The following CLASP1 variants were observed in gnomAD, a reference collection of about 807,000 sequenced individuals.
CLASP1 encodes the protein cytoplasmic linker associated protein 1, also known as CLIP-associating protein 1.
In CLASP1, 38 loss-of-function variants were observed where a neutral mutation model predicts 192.3. The observed-to-expected ratio is 0.20, with a 90% CI of 0.15 to 0.26. The LOEUF (loss-of-function observed/expected upper bound fraction) is 0.26, where lower values mean the gene tolerates loss of function less well. Ranked by LOEUF, CLASP1 falls within the 10% of genes least tolerant of loss-of-function variation. The pLI, the probability that CLASP1 is intolerant of heterozygous loss-of-function variation, is 1.00. For synonymous variants in CLASP1, 691 were observed against 712.8 expected, an observed-to-expected ratio of 0.97 and a Z score of 0.49; for missense variants, 1,433 against 1,932.5, an observed-to-expected ratio of 0.74 and a Z score of 4.85.
chr2:121,540,070 T>C (rs2095195564), intron 2 of CLASP1, among the ~76,000 whole-genome samples: 1 of 152,236 alleles, frequency 6.6e-6, no homozygotes, highest in South Asian at 2.1e-4. Flanking sequence ...AATCTGAAGA[T>C]ATGCAGCAAT....
intron 2 of CLASP1, among the ~76,000 whole-genome samples, chr2:121,557,708 G>A (rs1027406457): frequency 6.6e-6 from 1 of 151,860 alleles, no homozygotes; most frequent in African/African-American, 2.4e-5. Context: ...AGTGAGCTGA[G>A]ATCACGCCAC....
At chr2:121,422,013 C>T (rs2079587586) in intron 22 of CLASP1, among the ~76,000 whole-genome samples, 1 of 152,182 alleles carries the variant, frequency 6.6e-6, no homozygotes, top group Non-Finnish European at 1.5e-5. Context: ...GGAAAACATA[C>T]TTGTACTGTG....
rs565732999 is a variant in CLASP1 at position 121,404,357 on chromosome 2, G to C, written c.2733+14C>G. 20 of 1,610,434 alleles carry C rather than the reference G, an allele frequency of 1.2e-5. No homozygotes were observed. Among genetic ancestry groups the C allele is most frequent in the Non-Finnish European group, 1.6e-5 (19 of 1,178,514 alleles). ...GCAGGGGTAAAGACAGGGCAGGCAT[G>C]ACTTCAGACTTACCTTGCTATGAGG... On this transcript the variant is annotated intron_variant, in intron 26 of 39. Transcript: ENST00000263710.
chr2:121,484,431 C>T (rs2092830450), intron 8 of CLASP1, among the ~76,000 whole-genome samples: 1 of 152,178 alleles, frequency 6.6e-6, no homozygotes, highest in Admixed American at 6.5e-5. Context: ...AATTTATAAG[C>T]ACCAACAAAC....
At chr2:121,520,476 G>A (rs1007137712) in intron 6 of CLASP1, among the ~76,000 whole-genome samples, 2 of 152,212 alleles carry the variant, frequency 1.3e-5, no homozygotes, top group Admixed American at 6.5e-5. Flanking sequence ...TGGCAGGGCC[G>A]CATGGAAGCT....
intron 7 of CLASP1, among the ~76,000 whole-genome samples, chr2:121,508,476 T>C (rs1241192099): frequency 6.6e-6 from 1 of 152,114 alleles, no homozygotes; most frequent in Non-Finnish European, 1.5e-5. Context: ...AGAACATAAA[T>C]AGCACACCTG....
intron 8 of CLASP1, among the ~76,000 whole-genome samples, chr2:121,495,018 T>A (rs1295464088): frequency 2.0e-5 from 3 of 149,154 alleles, no homozygotes; most frequent in African/African-American, 7.5e-5. Flanking sequence ...CAAGACTCCA[T>A]CTAAAAAATA....
At chr2:121,547,918 C>T (rs1287201374) in intron 2 of CLASP1, among the ~76,000 whole-genome samples, 1 of 147,518 alleles carries the variant, frequency 6.8e-6, no homozygotes, top group Non-Finnish European at 1.5e-5. Context: ...TCCAGCAAAT[C>T]AGTCACTTGA....
At chr2:121,524,613 T>C (rs2094531564) in intron 6 of CLASP1, among the ~76,000 whole-genome samples, 1 of 152,232 alleles carries the variant, frequency 6.6e-6, no homozygotes, top group South Asian at 2.1e-4. Flanking sequence ...AACGCCACCA[T>C]GCCTGGCTAA....
intron 7 of CLASP1, chr2:121,504,859 C>T (rs749676769): frequency 6.6e-5 from 10 of 152,224 alleles, no homozygotes; most frequent in Non-Finnish European, 1.2e-4. Context: ...ACTACCCATT[C>T]GTTAAAGCTG....
chr2:121,497,753 T>C (rs1212773567), intron 8 of CLASP1, among the ~76,000 whole-genome samples: 2 of 152,168 alleles, frequency 1.3e-5, no homozygotes, highest in Non-Finnish European at 2.9e-5. Context: ...GGAGTCTTGC[T>C]CTGTCACCCA....
chr2:121,359,748 CATT>C (rs2066016824), intron 37 of CLASP1, among the ~76,000 whole-genome samples: 1 of 152,134 alleles, frequency 6.6e-6, no homozygotes, highest in Non-Finnish European at 1.5e-5. Flanking sequence ...ACTATGAAAA[CATT>C]ATGTCTAAGC....
At position 121,605,991 on chromosome 2, in the gene CLASP1, G is replaced by A. The variant is rs1022979857; in HGVS notation, c.-96C>T. Reference sequence around the variant, plus strand: ...CTGGGAGGTTGCCTCTTTGTTCGCTGAAGGTTACTAAGAGCCTGTGTTTCA... The same window carrying A: ...CTGGGAGGTTGCCTCTTTGTTCGCTAAAGGTTACTAAGAGCCTGTGTTTCA... On this transcript the variant is annotated 5_prime_UTR_variant, in exon 2 of 40. An upstream open reading frame in the 5' UTR gains an earlier in-frame stop. Coordinates refer to ENST00000263710, the Ensembl canonical transcript of CLASP1. 9.5e-7 allele frequency: 1 copy of A among 1,052,128 alleles called. No individual in the cohort carries two copies. Among genetic ancestry groups the A allele is most frequent in the Non-Finnish European group, 1.4e-6 (1 of 722,448 alleles). 65.2% of individuals were successfully genotyped at this position (1,052,128 alleles called of 1,614,324 possible).
At chr2:121,545,998 G>A (rs938481358) in intron 2 of CLASP1, among the ~76,000 whole-genome samples, 3 of 152,092 alleles carry the variant, frequency 2.0e-5, no homozygotes, top group African/African-American at 7.2e-5. Context: ...AAGATTCTTA[G>A]AAGTATGGCA....
chr2:121,557,476 C>A lies in CLASP1; in HGVS notation c.196-27151G>T, dbSNP rs141757910. Among the ~76,000 whole-genome samples, 1,291 of 150,180 alleles carry A rather than the reference C, an allele frequency of 8.6e-3. 20 individuals are homozygous for A. Among genetic ancestry groups the A allele is most frequent in the African/African-American group, 0.03 (1,244 of 40,906 alleles). ...GCAGGTGCCTATAATCCCAGCTACC[C>A]AGGAGGCTGAGGCAGGAGAATCGCT... On this transcript the variant is annotated intron_variant, in intron 2 of 39. Coordinates refer to ENST00000263710, the Ensembl canonical transcript of CLASP1.
At chr2:121,405,834 C>A (rs984003958) in intron 25 of CLASP1, among the ~76,000 whole-genome samples, 1 of 152,158 alleles carries the variant, frequency 6.6e-6, no homozygotes. Context: ...CTTCCTGTAT[C>A]GTCTTTGTGA....
At chr2:121,646,175 C>T (rs2073143894) in intron 1 of CLASP1, among the ~76,000 whole-genome samples, 1 of 152,164 alleles carries the variant, frequency 6.6e-6, no homozygotes, top group South Asian at 2.1e-4. Flanking sequence ...TGCAGTGGCA[C>T]GATTTCGGCT....
intron 1 of CLASP1, among the ~76,000 whole-genome samples, chr2:121,629,885 C>T (rs564296649): frequency 3.9e-5 from 6 of 152,046 alleles, no homozygotes; most frequent in Admixed American, 6.5e-5. Context: ...GCATAGAAAA[C>T]GTATGGAAGG....
At chr2:121,615,506 AC>A (rs2066302967) in intron 1 of CLASP1, among the ~76,000 whole-genome samples, 1 of 152,136 alleles carries the variant, frequency 6.6e-6, no homozygotes, top group Admixed American at 6.5e-5. Context: ...GGTTAAAAAA[AC>A]AAAAACAGGT....
Sources: gnomAD v4.1 joint callset for allele counts (sites outside exome capture counted in the v4.1 genomes callset) on GRCh38, gnomAD v4.1.1 for gene constraint, MANE v1.5 for transcripts, NCBI Gene and HGNC (gene_info 2026-07-23, HGNC 2026-07-21) for gene names.